Variants in LRIG1 observed in about 807,000 individuals in gnomAD.
LRIG1 encodes the protein leucine-rich repeats and immunoglobulin-like domains protein 1.
A neutral mutation model predicts 99.2 loss-of-function variants in LRIG1; 48 were observed. That is an observed-to-expected ratio of 0.48 (90% CI 0.38 to 0.62). The LOEUF is 0.62. LRIG1 is among the 20% of genes least tolerant of loss of function. The pLI is 0.00. For synonymous variants in LRIG1, 772 were observed against 596.1 expected (o/e 1.29, Z -4.30); for missense variants, 1,646 against 1,434.4 (o/e 1.15, Z -2.38).
At position 66,450,196 on chromosome 3, in the gene LRIG1, C is replaced by T. The variant is rs565837891; in HGVS notation, c.365+1363G>A. On this transcript the variant is annotated intron_variant, in intron 3 of 18. Transcript: ENST00000273261. ...AGGGAACAAAGGGCCACAAACCTTC[C>T]TTCCAGCACTTCACAGAAACAGAGA... Among the ~76,000 whole-genome samples, 26 of 152,264 alleles carry T rather than the reference C, an allele frequency of 1.7e-4. No homozygotes were observed. The South Asian group carries it at 5.4e-3, about 32-fold the overall frequency.
chr3:66,401,655 C>A, intron 9 of LRIG1: 1 of 1,530,036 alleles, frequency 6.5e-7, no homozygotes, highest in Non-Finnish European at 8.7e-7. Flanking sequence ...CTGCAGCCAG[C>A]AGACTGGGAT....
intron 3 of LRIG1, among the ~76,000 whole-genome samples, chr3:66,440,481 T>C (rs1378955550): frequency 6.6e-6 from 1 of 152,198 alleles, no homozygotes; most frequent in African/African-American, 2.4e-5. Flanking sequence ...TACGAGGGTT[T>C]TCTGTAAGCT....
intron 2 of LRIG1, among the ~76,000 whole-genome samples, chr3:66,461,201 A>T (rs965699112): frequency 6.6e-6 from 1 of 152,122 alleles, no homozygotes; most frequent in Non-Finnish European, 1.5e-5. Flanking sequence ...GCTACTCACA[A>T]GGCTGGGGTG....
chr3:66,474,969 G>A (rs3856600), intron 1 of LRIG1, among the ~76,000 whole-genome samples: 127,784 of 152,162 alleles, frequency 0.84, 56,122 homozygotes, highest in Non-Finnish European at 0.97. Flanking sequence ...GTACTTCTAG[G>A]TACTCCACAG....
chr3:66,407,474 T>G lies in LRIG1; in HGVS notation c.953A>C (p.Asn318Thr). Residue 318 changes from asparagine (N) to threonine (T), a missense_variant, in exon 8 of 19, where the codon AAC becomes ACC. Transcript: ENST00000273261. Reference protein sequence around the residue: ...KLHELVLSFNNLTRLDEESLA... With the variant: ...KLHELVLSFNTLTRLDEESLA... ...GCTCTCCTCGTCCAGCCGTGTCAGG[T>G]TGTTGAAGGACAGGACCCTGAGGAA... 6.2e-7 allele frequency: 1 copy of G among 1,613,836 alleles called. No individual in the cohort carries two copies. Among genetic ancestry groups the G allele is most frequent in the Non-Finnish European group, 8.5e-7 (1 of 1,179,986 alleles).
At chr3:66,400,387 G>A (rs984803776) in intron 9 of LRIG1, among the ~76,000 whole-genome samples, 1 of 152,210 alleles carries the variant, frequency 6.6e-6, no homozygotes, top group Non-Finnish European at 1.5e-5. Flanking sequence ...GACTACCAGG[G>A]AACAACCAAA....
rs145185833 is a variant in LRIG1, at chr3:66,473,538, C to T, written c.219-11029G>A. On this transcript the variant is annotated intron_variant, in intron 1 of 18. Transcript: ENST00000273261. ...TACTTGCATTTGCCACAATGCTCGG[C>T]GTTACAAATGGATTAAGTACAAGGT... Among the ~76,000 whole-genome samples the T allele has an allele frequency of 3.8e-3, 581 of 152,298 alleles. 6 individuals carry two copies. Among genetic ancestry groups the T allele is most frequent in the African/African-American group, 0.013 (552 of 41,554 alleles).
At position 66,451,589 on chromosome 3, in the gene LRIG1, G is replaced by C. The variant is rs138821693; in HGVS notation, c.335C>G (p.Ala112Gly). 53 of 1,613,938 alleles carry C rather than the reference G, an allele frequency of 3.3e-5. No individual in the cohort carries two copies. Among genetic ancestry groups the C allele is most frequent in the Non-Finnish European group, 4.5e-5 (53 of 1,179,982 alleles). ...GAGAGAGACGACATGTGATGAAGCA[G>C]CGCCCAGGGATGGTACCGCTGTCAA... ...NELTAVPSLG[A>G]ASSHVVSLFL... Residue 112 changes from alanine (A) to glycine (G), a missense_variant, in exon 3 of 19, where the codon GCT (alanine) becomes GGT (glycine). Transcript: ENST00000273261.
chr3:66,405,070 C>T, intron 9 of LRIG1, 128 bp downstream of exon 9: 1 of 770,038 alleles, frequency 1.3e-6, no homozygotes, highest in Non-Finnish European at 2.2e-6. Flanking sequence ...AGCTCTGCCC[C>T]AAACAAAAGC....
At chr3:66,492,438 A>C in intron 1 of LRIG1, among the ~76,000 whole-genome samples, 1 of 152,212 alleles carries the variant, frequency 6.6e-6, no homozygotes, top group East Asian at 1.9e-4. Context: ...TCAGCTAAAA[A>C]AAAGAAGAAA....
intron 1 of LRIG1, among the ~76,000 whole-genome samples, chr3:66,491,011 T>C (rs567823091): frequency 1.1e-3 from 162 of 152,278 alleles, no homozygotes; most frequent in East Asian, 5.8e-4. Context: ...TTTTATAAAA[T>C]AAAACAAACC....
At chr3:66,492,228 G>C (rs1033255228) in intron 1 of LRIG1, among the ~76,000 whole-genome samples, 1 of 152,184 alleles carries the variant, frequency 6.6e-6, no homozygotes, top group East Asian at 1.9e-4. Flanking sequence ...CCTTCTCATT[G>C]CATTTAACAG....
intron 4 of LRIG1, among the ~76,000 whole-genome samples, chr3:66,416,084 C>T (rs996043398): frequency 2.6e-5 from 4 of 152,170 alleles, no homozygotes; most frequent in African/African-American, 9.7e-5. Flanking sequence ...AGATATATCA[C>T]CCAATAGCTG....
chr3:66,421,745 C>T (rs1702820153), intron 3 of LRIG1, among the ~76,000 whole-genome samples: 1 of 152,196 alleles, frequency 6.6e-6, no homozygotes, highest in Non-Finnish European at 1.5e-5. Context: ...GGGGATCCCA[C>T]ACTGCCCTAG....
intron 8 of LRIG1, chr3:66,406,330 T>G (rs528257614): frequency 1.0e-6 from 1 of 985,654 alleles, no homozygotes; most frequent in South Asian, 4.7e-5. Context: ...CCTGTCTCTC[T>G]GCTCCTAGCC....
chr3:66,414,856 T>A (rs867800998), intron 5 of LRIG1, 64 bp downstream of exon 5: 3 of 1,454,168 alleles, frequency 2.1e-6, no homozygotes, highest in Middle Eastern at 2.2e-4. Context: ...ACGAGGTCCT[T>A]GGGGAAATCT....
chr3:66,389,750 A>G (rs1032106333), intron 12 of LRIG1, among the ~76,000 whole-genome samples: 7 of 152,230 alleles, frequency 4.6e-5, no homozygotes, highest in Non-Finnish European at 5.9e-5. Flanking sequence ...TCAACAACGG[A>G]TAGAACTAGT....
At chr3:66,483,646 A>G (rs749563508) in intron 1 of LRIG1, among the ~76,000 whole-genome samples, 2 of 152,234 alleles carry the variant, frequency 1.3e-5, no homozygotes, top group Non-Finnish European at 2.9e-5. Flanking sequence ...GCATAAACTG[A>G]GCAGAATAAC....
At chr3:66,439,070 A>G (rs542943236) in intron 3 of LRIG1, among the ~76,000 whole-genome samples, 48 of 152,328 alleles carry the variant, frequency 3.2e-4, no homozygotes, top group African/African-American at 1.1e-3. Context: ...AACACACACT[A>G]GAGGAGAGGA....
Sources: gnomAD v4.1 joint callset for allele counts (sites outside exome capture counted in the v4.1 genomes callset) on GRCh38, gnomAD v4.1.1 for gene constraint, MANE v1.5 for transcripts, NCBI Gene and HGNC (gene_info 2026-07-23, HGNC 2026-07-21) for gene names.